Variants in CDHR3 observed in about 807,000 individuals in gnomAD.
CDHR3 encodes the protein cadherin-related family member 3.
CDHR3 carries 79 observed loss-of-function variants against 86.6 expected under a neutral mutation model. The ratio of observed to expected loss-of-function variants is 0.91; its 90% confidence interval spans 0.76 to 1.10. The LOEUF is 1.10. Ranked by LOEUF, CDHR3 falls within the 50% of genes least tolerant of loss-of-function variation. CDHR3 has a pLI of 0.00. For synonymous variants in CDHR3, 421 were observed against 402.4 expected, an observed-to-expected ratio of 1.05 and a Z score of -0.55; for missense variants, 1,081 against 1,077.6, an observed-to-expected ratio of 1.00 and a Z score of -0.04.
intron 1 of CDHR3, among the ~76,000 whole-genome samples, chr7:105,972,161 A>G (rs1036252138): frequency 7.9e-5 from 12 of 152,202 alleles, no homozygotes. Context: ...CAATGGTGAC[A>G]GCAGTATAAT....
intron 1 of CDHR3, among the ~76,000 whole-genome samples, chr7:105,965,572 C>CG (rs1554507760): frequency 4.3e-5 from 5 of 115,670 alleles, no homozygotes; most frequent in South Asian, 4.7e-4. Flanking sequence ...GCCCCACCCC[C>CG]CCCCATGGAG....
intron 1 of CDHR3, among the ~76,000 whole-genome samples, chr7:105,967,130 G>A (rs188218059): frequency 6.6e-6 from 1 of 152,046 alleles, no homozygotes; most frequent in South Asian, 2.1e-4. Flanking sequence ...ACAGGCCCCA[G>A]TGTGTGATGT....
At chr7:105,991,087 G>A (rs1462094458) in intron 4 of CDHR3, among the ~76,000 whole-genome samples, 1 of 152,218 alleles carries the variant, frequency 6.6e-6, no homozygotes, top group Non-Finnish European at 1.5e-5. Context: ...GAATTGATCT[G>A]ATTACTCAGG....
At chr7:106,017,779 C>A in intron 11 of CDHR3, 67 bp from the exon 12 acceptor site, 1 of 1,311,818 alleles carries the variant, frequency 7.6e-7, no homozygotes, top group Non-Finnish European at 1.1e-6. Context: ...GTTAGGACAT[C>A]TGTTCCTGAA....
At chr7:106,014,508 A>G (rs971614325) in intron 9 of CDHR3, among the ~76,000 whole-genome samples, 1 of 152,230 alleles carries the variant, frequency 6.6e-6, no homozygotes, top group Non-Finnish European at 1.5e-5. Flanking sequence ...CCATAGTCCC[A>G]ACTACTTGAG....
At chr7:105,969,162 C>T (rs1194542871) in intron 1 of CDHR3, among the ~76,000 whole-genome samples, 12 of 146,272 alleles carry the variant, frequency 8.2e-5, no homozygotes, top group Admixed American at 6.1e-4. Flanking sequence ...TTTGGGAGGC[C>T]GAGGCGGGCG....
intron 6 of CDHR3, among the ~76,000 whole-genome samples, chr7:106,000,813 T>TTC (rs1563267623): frequency 2.7e-5 from 4 of 150,822 alleles, no homozygotes; most frequent in African/African-American, 9.8e-5. Flanking sequence ...TCAGGGGACC[T>TTC]ATTTCTCAGT....
rs904508172 is a variant in CDHR3 at position 106,035,531 on chromosome 7, G to A, written c.*2834G>A. Among the ~76,000 whole-genome samples the A allele has an allele frequency of 1.3e-5, 2 of 152,236 alleles. No individual in the cohort carries two copies. The highest frequency in any genetic ancestry group is 4.8e-5 in the African/African-American group (2 of 41,462). On this transcript the variant is annotated 3_prime_UTR_variant, in exon 19 of 19. Transcript: ENST00000317716. ...AGAAAGAATGAGGCAACGAAAGAAT[G>A]AAAGCAGGGATTTATTGAAAACCAA...
In CDHR3 at chr7:105,971,699, C is replaced by T. The variant is rs1351402453; in HGVS notation, c.47-3145C>T. On this transcript the variant is annotated intron_variant, in intron 1 of 18. Coordinates refer to ENST00000317716, the MANE Select transcript of CDHR3 (RefSeq NM_152750.5). ...GGGGAGCATGGCTTCTCTACAGTCC[C>T]CAGCTCCCCAAAGGAGCTGCACTAA... 2.0e-5 allele frequency among the ~76,000 whole-genome samples: 3 copies of T among 152,188 alleles called. No homozygotes were observed. In the East Asian group the frequency reaches 5.8e-4, roughly 29 times the overall value.
At chr7:106,031,373 A>C (rs1838333572) in intron 18 of CDHR3, among the ~76,000 whole-genome samples, 1 of 152,110 alleles carries the variant, frequency 6.6e-6, no homozygotes, top group African/African-American at 2.4e-5. Context: ...AGCTCTCATC[A>C]CCCCCGTGAA....
In CDHR3 at chr7:106,017,979, A is replaced by G. The variant is rs778940176; in HGVS notation, c.1560A>G (p.Glu520=). The change falls in exon 12 of 19, where the codon GAA becomes GAG. Residue 520 remains glutamate, a synonymous_variant. Coordinates refer to ENST00000317716, the MANE Select transcript of CDHR3 (RefSeq NM_152750.5). ...TTTGGATTAATCCCAAGACAGGAGA[A>G]CTCCAGCTGGTAACTAAAGTGGACT... ...NVFWINPKTG[E]LQLVTKVDCE... 6.2e-7 allele frequency: 1 copy of G among 1,613,898 alleles called. No individual in the cohort carries two copies. Among genetic ancestry groups the G allele is most frequent in the Middle Eastern group, 1.6e-4 (1 of 6,062 alleles).
At position 105,994,783 on chromosome 7, in the gene CDHR3, A is replaced by G. The variant is rs189743463; in HGVS notation, c.546A>G (p.Arg182=). 88 of 1,612,740 alleles carry G rather than the reference A, an allele frequency of 5.5e-5. No individual in the cohort carries two copies. In the African/African-American group the frequency reaches 9.3e-4, roughly 17 times the overall value. Residue 182 remains arginine, a synonymous_variant, in exon 5 of 19, where the codon AGA becomes AGG. Coordinates refer to ENST00000317716, the MANE Select transcript of CDHR3 (RefSeq NM_152750.5). Reference sequence around the variant, plus strand: ...TGATTTCTCCCCCAAAGAGCTTCAGAATGTCTGCTAATGGCACCCTCTTCT... The same window carrying G: ...TGATTTCTCCCCCAAAGAGCTTCAGGATGTCTGCTAATGGCACCCTCTTCT... ...YFLISPPKSF[R]MSANGTLFST...
intron 3 of CDHR3, 92 bp from the exon 4 acceptor site, chr7:105,984,100 T>G (rs1231728294): frequency 1.6e-6 from 1 of 626,814 alleles, no homozygotes; most frequent in Non-Finnish European, 2.6e-6. Context: ...ACACCCTTGG[T>G]TCCCTTGGTT....
At chr7:106,007,948 C>T (rs2115819097) in intron 8 of CDHR3, among the ~76,000 whole-genome samples, 1 of 152,316 alleles carries the variant, frequency 6.6e-6, no homozygotes, top group South Asian at 2.1e-4. Flanking sequence ...TACAGTTCCA[C>T]GTGGCTGGGG....
At chr7:105,963,668 G>A (rs556178174) in intron 1 of CDHR3, among the ~76,000 whole-genome samples, 1 of 152,208 alleles carries the variant, frequency 6.6e-6, no homozygotes, top group African/African-American at 2.4e-5. Flanking sequence ...GGAAAATAGT[G>A]TTCATAGCAG....
In CDHR3 at chr7:105,963,333, C is replaced by T; in HGVS notation, c.15C>T (p.Ile5=). MQEA[I]ILLALLGAMS... is the part of the protein sequence containing the mutation. ...GACCATCAAGTATGCAGGAAGCAAT[C>T]ATTCTCCTGGCTCTCCTGGGTGCCA... Residue 5 remains isoleucine, a synonymous_variant, in exon 1 of 19, where the codon ATC becomes ATT. Transcript: ENST00000317716. The T allele has an allele frequency of 6.2e-7, 1 of 1,614,036 alleles. No individual in the cohort carries two copies. The highest frequency in any genetic ancestry group is 1.3e-5 in the African/African-American group (1 of 75,074).
At chr7:105,965,575 C>CCA (rs1826796288) in intron 1 of CDHR3, among the ~76,000 whole-genome samples, 4 of 123,460 alleles carry the variant, frequency 3.2e-5, no homozygotes, top group African/African-American at 1.1e-4. Flanking sequence ...CCACCCCCCC[C>CCA]CATGGAGTCT....
intron 4 of CDHR3, among the ~76,000 whole-genome samples, chr7:105,985,263 T>A (rs533172789): frequency 1.3e-5 from 2 of 152,116 alleles, no homozygotes; most frequent in South Asian, 4.2e-4. Flanking sequence ...TCCCTGGGAG[T>A]GGACGCCTCA....
rs569795611 is a variant in CDHR3 at position 105,982,196 on chromosome 7, C to A, written c.415+1063C>A. 3.9e-5 allele frequency among the ~76,000 whole-genome samples: 6 copies of A among 152,242 alleles called. No homozygotes were observed. The East Asian group carries it at 1.2e-3, about 29-fold the overall frequency. ...TTAAGAACCAATTAAAGGCCGGGCG[C>A]GGTGGCTCACGCCTGTAATCTCAGC... On this transcript the variant is annotated intron_variant, in intron 3 of 18. Transcript: ENST00000317716.
Sources: allele counts gnomAD v4.1 joint callset (sites outside exome capture counted in the v4.1 genomes callset), GRCh38; gene constraint gnomAD v4.1.1; transcripts MANE v1.5; gene names NCBI Gene and HGNC (gene_info 2026-07-23, HGNC 2026-07-21).